ODF2L: variants seen among roughly 807,000 people sequenced by gnomAD.
ODF2L encodes the protein outer dense fiber of sperm tails 2 like, also known as protein BCAP.
ODF2L carries 76 observed loss-of-function variants against 86.3 expected under a neutral mutation model. That is an observed-to-expected ratio of 0.88 (90% CI 0.73 to 1.07). The LOEUF (loss-of-function observed/expected upper bound fraction) is 1.07. Among genes scored for constraint, ODF2L ranks in the 50% least tolerant of loss-of-function variants. The pLI, the probability that ODF2L is intolerant of heterozygous loss-of-function variation, is 0.00. For synonymous variants in ODF2L, 241 were observed against 231.3 expected, an observed-to-expected ratio of 1.04 and a Z score of -0.38; for missense variants, 748 against 717.4, an observed-to-expected ratio of 1.04 and a Z score of -0.49.
At chr1:86,394,172 C>T (rs1163274991) in intron 1 of ODF2L, among the ~76,000 whole-genome samples, 2 of 152,146 alleles carry the variant, frequency 1.3e-5, no homozygotes, top group African/African-American at 4.8e-5. Context: ...GGTTAAATAG[C>T]TTGTCCAAGA....
At chr1:86,363,343 G>A (rs1240228916) in intron 11 of ODF2L, among the ~76,000 whole-genome samples, 1 of 152,140 alleles carries the variant, frequency 6.6e-6, no homozygotes, top group Non-Finnish European at 1.5e-5. Context: ...ACTAGGTCTA[G>A]ATTAGAGGTA....
At chr1:86,354,482 C>A in intron 16 of ODF2L, 48 bp downstream of exon 15, 1 of 1,249,100 alleles carries the variant, frequency 8.0e-7, no homozygotes, top group South Asian at 1.3e-5. Context: ...AAAAAGATGA[C>A]TCTTTGGTAA....
intron 1 of ODF2L, among the ~76,000 whole-genome samples, chr1:86,394,056 G>A (rs1661525748): frequency 6.6e-6 from 1 of 152,154 alleles, no homozygotes; most frequent in African/African-American, 2.4e-5. Flanking sequence ...GACAGCTGTT[G>A]CCATTTACTG....
chr1:86,374,566 A>G (rs1660039684), intron 8 of ODF2L, among the ~76,000 whole-genome samples: 1 of 152,174 alleles, frequency 6.6e-6, no homozygotes, highest in Non-Finnish European at 1.5e-5. Flanking sequence ...TAGAGCATTT[A>G]ACATCCTGGC....
At chr1:86,362,208 G>T (rs1049644841) in intron 11 of ODF2L, among the ~76,000 whole-genome samples, 2 of 152,056 alleles carry the variant, frequency 1.3e-5, no homozygotes, top group Non-Finnish European at 2.9e-5. Flanking sequence ...ATGCCTTGTA[G>T]GTATTTACGA....
chr1:86,377,146 A>G (rs1204217225), intron 7 of ODF2L, among the ~76,000 whole-genome samples: 1 of 152,214 alleles, frequency 6.6e-6, no homozygotes, highest in African/African-American at 2.4e-5. Context: ...GCCAAAAAAA[A>G]GGGGGCTACA....
At chr1:86,356,338 TG>T in intron 14 of ODF2L, 105 bp downstream of exon 13, 1 of 798,062 alleles carries the variant, frequency 1.3e-6, no homozygotes, top group Non-Finnish European at 1.9e-6. Flanking sequence ...ACTAAGTAGA[TG>T]GGAATTTAAA....
At chr1:86,362,984 C>G (rs1273340213) in intron 11 of ODF2L, among the ~76,000 whole-genome samples, 2 of 152,054 alleles carry the variant, frequency 1.3e-5, no homozygotes, top group African/African-American at 4.8e-5. Context: ...AACAACTCTA[C>G]TGCTAATACT....
intron 13 of ODF2L, chr1:86,357,886 G>A: frequency 1.0e-6 from 1 of 985,076 alleles, no homozygotes; most frequent in Non-Finnish European, 1.2e-6. Context: ...GTGCTGCCTA[G>A]CAGAAAAGGA....
At chr1:86,360,689 C>A in intron 11 of ODF2L, 153 bp from the exon 11 acceptor site, 1 of 436,700 alleles carries the variant, frequency 2.3e-6, no homozygotes. Context: ...TTAGGAATTT[C>A]ACAAAGCTAG....
At chr1:86,371,624 G>T (rs1276474191) in intron 9 of ODF2L, among the ~76,000 whole-genome samples, 2 of 151,820 alleles carry the variant, frequency 1.3e-5, no homozygotes, top group African/African-American at 4.8e-5. Flanking sequence ...AATATTCAGG[G>T]TTCATTATAG....
chr1:86,358,795 C>T (rs765990861), exon 13 of ODF2L: 3 of 1,341,460 alleles, frequency 2.2e-6, no homozygotes, highest in Non-Finnish European at 3.1e-6. Flanking sequence ...ACCTTCTCTA[C>T]ATTTTTATTT....
At chr1:86,355,737 G>A (rs1366802879) in intron 14 of ODF2L, among the ~76,000 whole-genome samples, 1 of 151,820 alleles carries the variant, frequency 6.6e-6, no homozygotes, top group Non-Finnish European at 1.5e-5. Context: ...ATGTGTCCAC[G>A]TGTTCTCATC....
At chr1:86,361,807 A>G (rs543129122) in intron 11 of ODF2L, among the ~76,000 whole-genome samples, 3 of 152,366 alleles carry the variant, frequency 2.0e-5, no homozygotes, top group East Asian at 3.9e-4. Context: ...TGATGAATAC[A>G]TGAGCCAATA....
chr1:86,357,951 T>C lies in ODF2L; in HGVS notation c.1359+836A>G, dbSNP rs78427246. 4,623 of 985,314 alleles carry C rather than the reference T, an allele frequency of 4.7e-3. 167 individuals carry two copies. The East Asian group carries it at 0.11, about 24-fold the overall frequency. 61.0% of individuals were successfully genotyped at this position (985,314 alleles called of 1,614,324 possible). On this transcript the variant is annotated intron_variant, in intron 13 of 17. Coordinates refer to ENST00000317336, the Ensembl canonical transcript of ODF2L. ...AATGAGACCAAAAGACATGAAATGG[T>C]TTATTCGCTGGCCTGCTAAAAATAG... is the stretch of plus-strand genomic sequence containing the variant.
chr1:86,360,458 G>T, exon 12 of ODF2L: 1 of 1,577,544 alleles, frequency 6.3e-7, no homozygotes, highest in Non-Finnish European at 8.7e-7. Flanking sequence ...AGGGTTTTCT[G>T]TTTTTTTTCT....
chr1:86,357,805 G>C, intron 13 of ODF2L: 1 of 984,288 alleles, frequency 1.0e-6, no homozygotes, highest in Non-Finnish European at 1.2e-6. Flanking sequence ...TGACCTCACA[G>C]TATCTGAAAA....
exon 14 of ODF2L, chr1:86,356,447 G>A: frequency 6.3e-7 from 1 of 1,598,642 alleles, no homozygotes; most frequent in Non-Finnish European, 8.5e-7. Flanking sequence ...TGGACACCTG[G>A]CCCTGAAGCT....
At position 86,377,355 on chromosome 1, in the gene ODF2L, C is replaced by T. The variant is rs1009576715; in HGVS notation, c.625-937G>A. Among the ~76,000 whole-genome samples the T allele has an allele frequency of 1.2e-3, 183 of 152,280 alleles. 3 individuals are homozygous for T. The highest frequency in any genetic ancestry group is 0.011 in the Admixed American group (166 of 15,294). ...GCTTTCCCAGGCTGGCACTGAGTAT[C>T]TGTGGCTCTTCCAGGCACATGGTGC... is the stretch of plus-strand genomic sequence containing the variant. On this transcript the variant is annotated intron_variant, in intron 7 of 17. Transcript: ENST00000317336.
Sources: gnomAD v4.1 joint callset for allele counts (sites outside exome capture counted in the v4.1 genomes callset) on GRCh38, gnomAD v4.1.1 for gene constraint, MANE v1.5 for transcripts, NCBI Gene and HGNC (gene_info 2026-07-23, HGNC 2026-07-21) for gene names.